The following VWA5B1 variants were observed in gnomAD, a reference collection of about 807,000 sequenced individuals.
VWA5B1 encodes von Willebrand factor A domain containing 5B1.
Under a neutral mutation model 118.2 loss-of-function variants are expected in VWA5B1, and 115 were observed. That is an observed-to-expected ratio of 0.97 (90% confidence interval 0.84 to 1.14). VWA5B1 has a LOEUF of 1.14. Among genes scored for constraint, VWA5B1 ranks in the 50% most tolerant of loss-of-function variants. The probability of loss-of-function intolerance (pLI) is 0.00; values close to 1 mark genes in which losing one functional copy is unlikely to be tolerated. For missense variants in VWA5B1, 1,596 were observed against 1,603.8 expected (o/e 1.00, Z 0.08); for synonymous variants, 682 against 658.4 (o/e 1.04, Z -0.55).
At chr1:20,304,626 G>T (rs140371013) in intron 1 of VWA5B1, among the ~76,000 whole-genome samples, 2 of 152,260 alleles carry the variant, frequency 1.3e-5, no homozygotes, top group Non-Finnish European at 2.9e-5. Context: ...AAACAGCCTG[G>T]AGGTTGAAGG....
rs1259220665 is a variant in VWA5B1, at chr1:20,319,366, G to T, written c.842-16G>T. 5.2e-6 allele frequency: 8 copies of T among 1,550,968 alleles called. No individual in the cohort carries two copies. In the East Asian group the frequency reaches 1.7e-4, roughly 33 times the overall value. On this transcript the variant is annotated splice_polypyrimidine_tract_variant and intron_variant, in intron 6 of 21. Transcript: ENST00000289815. ...GATACCTGGCCAAGTGCTGAAAGTC[G>T]ATCTCATCTCTGCAGAGCCCCATAT...
intron 1 of VWA5B1, among the ~76,000 whole-genome samples, chr1:20,301,289 T>C (rs1422495922): frequency 1.3e-5 from 2 of 152,124 alleles, no homozygotes; most frequent in East Asian, 3.8e-4. Context: ...ATGAAAGCAA[T>C]AGCCAACATT....
intron 18 of VWA5B1, among the ~76,000 whole-genome samples, chr1:20,349,772 C>T (rs552034289): frequency 2.7e-4 from 40 of 147,594 alleles, no homozygotes; most frequent in Middle Eastern, 3.5e-3. Flanking sequence ...GCCCGTAGTC[C>T]AGGGCTTTAC....
At chr1:20,327,768 CAG>C (rs1445164785) in intron 8 of VWA5B1, 120 bp from the exon 9 acceptor site, 5 of 839,206 alleles carry the variant, frequency 6.0e-6, no homozygotes, top group Non-Finnish European at 9.7e-6. Flanking sequence ...TGGGTGCAGA[CAG>C]AGGAGGGTAA....
intron 5 of VWA5B1, 108 bp downstream of exon 5, chr1:20,317,783 AC>A (rs2089067528): frequency 1.5e-6 from 2 of 1,368,338 alleles, no homozygotes; most frequent in Non-Finnish European, 1.9e-6. Context: ...CAGATGGCAG[AC>A]CTACTAAAGT....
intron 3 of VWA5B1, among the ~76,000 whole-genome samples, chr1:20,313,362 A>G (rs12139016): frequency 0.21 from 31,788 of 152,176 alleles, 3,780 homozygotes; most frequent in East Asian, 0.4. Context: ...GTTGCTCACA[A>G]ATGGTGGAGC....
At chr1:20,294,906 A>G (rs1467820151) in intron 1 of VWA5B1, among the ~76,000 whole-genome samples, 1 of 152,204 alleles carries the variant, frequency 6.6e-6, no homozygotes, top group African/African-American at 2.4e-5. Context: ...AGGTTTTACT[A>G]ATCTCTACTT....
intron 1 of VWA5B1, among the ~76,000 whole-genome samples, chr1:20,303,861 C>T (rs1342747338): frequency 1.3e-5 from 2 of 152,380 alleles, no homozygotes; most frequent in East Asian, 3.9e-4. Context: ...AATCTCTTCC[C>T]TCCTGTGCTC....
chr1:20,342,731 G>T lies in VWA5B1; in HGVS notation c.2311+122G>T, dbSNP rs552205212. ...GGTCTGTCCCCTTGTGGTCTGCTGCGGCTCACCCCTCTCTGAGGACCTCAC... is the reference window on the plus strand; with the variant it reads ...GGTCTGTCCCCTTGTGGTCTGCTGCTGCTCACCCCTCTCTGAGGACCTCAC... On this transcript the variant is annotated intron_variant, in intron 15 of 21. Coordinates refer to ENST00000289815, the MANE Select transcript of VWA5B1 (RefSeq NM_001039500.3). 3 of 1,246,430 alleles carry T rather than the reference G, an allele frequency of 2.4e-6. No homozygotes were observed. In the Admixed American group the frequency reaches 9.5e-5, roughly 39 times the overall value. 77.2% of individuals were successfully genotyped at this position (1,246,430 alleles called of 1,614,324 possible).
rs1310026147 is a variant in VWA5B1, at chr1:20,342,471, A to G, written c.2173A>G (p.Lys725Glu). The G allele has an allele frequency of 6.4e-7, 1 of 1,551,118 alleles. No individual in the cohort carries two copies. Among genetic ancestry groups the G allele is most frequent in the African/African-American group, 1.4e-5 (1 of 73,036 alleles). The stretch of plus-strand genomic sequence containing the variant: ...TGGTCAGGACCTGAACCAGGGCCCC[A>G]AACTCCGTGGCCCAGGGGCCCGAAG... ...NSGQDLNQGP[K>E]LRGPGARRPS... The change falls in exon 15 of 22, where the codon AAA (lysine) becomes GAA (glutamate). Residue 725 changes from lysine to glutamate, a missense_variant. By Grantham distance (56) the Lys-to-Glu change is moderately conservative (BLOSUM62 1). Transcript: ENST00000289815.
intron 1 of VWA5B1, among the ~76,000 whole-genome samples, chr1:20,297,465 G>A (rs1309760425): frequency 1.3e-5 from 2 of 152,226 alleles, no homozygotes; most frequent in Non-Finnish European, 2.9e-5. Context: ...GGCACATCTA[G>A]GCCTTCAAGG....
chr1:20,337,613 C>T, intron 13 of VWA5B1, 33 bp from the exon 14 acceptor site: 3 of 1,530,298 alleles, frequency 2.0e-6, no homozygotes, highest in Non-Finnish European at 2.6e-6. Flanking sequence ...TGCTGTCCCA[C>T]TCTGATGGTT....
chr1:20,346,243 G>A (rs1403007038), intron 17 of VWA5B1, among the ~76,000 whole-genome samples: 2 of 152,074 alleles, frequency 1.3e-5, no homozygotes, highest in Admixed American at 1.3e-4. Context: ...CAAAGTAGAC[G>A]CTATTATTAT....
chr1:20,291,735 A>G (rs1485392375), intron 1 of VWA5B1, among the ~76,000 whole-genome samples: 1 of 152,136 alleles, frequency 6.6e-6, no homozygotes, highest in East Asian at 1.9e-4. Context: ...CCACCGGCCA[A>G]GGGCACACCC....
In VWA5B1 at chr1:20,355,719, G is replaced by T. The variant is rs2090217081; in HGVS notation, c.*1456G>T. The stretch of plus-strand genomic sequence containing the variant: ...TGTGCAGCCTCCAGCAGGGGCTGGA[G>T]TCAGGGAGGAGGCTCCAGCAGAACG... On this transcript the variant is annotated 3_prime_UTR_variant, in exon 22 of 22. Coordinates refer to ENST00000289815, the MANE Select transcript of VWA5B1 (RefSeq NM_001039500.3). Among the ~76,000 whole-genome samples the T allele has an allele frequency of 6.6e-6, 1 of 152,256 alleles. No homozygotes were observed. The highest frequency in any genetic ancestry group is 2.4e-5 in the African/African-American group (1 of 41,478).
intron 5 of VWA5B1, chr1:20,318,285 G>A (rs975743381): frequency 4.5e-5 from 19 of 419,882 alleles, no homozygotes; most frequent in African/African-American, 1.4e-4. Context: ...CCGACGGAGC[G>A]CTGAGAGCCA....
intron 18 of VWA5B1, chr1:20,349,386 T>G (rs963435006): frequency 6.5e-6 from 1 of 153,970 alleles, no homozygotes; most frequent in African/African-American, 2.4e-5. Context: ...TTTATTTATT[T>G]ATTTATTTAT....
chr1:20,330,253 C>T lies in VWA5B1; in HGVS notation c.1328C>T (p.Pro443Leu), dbSNP rs1183460247. Residue 443 changes from proline (P) to leucine (L), a missense_variant, in exon 10 of 22, where the codon CCT becomes CTT. Transcript: ENST00000289815. ...ADMGGTNILS[P>L]LKWVIRQPVH... ...ATGGGTGGGACCAACATCCTTTCCCCTCTCAAGTGGGTCATCAGGCAGCCA... is the reference window on the plus strand; with the variant it reads ...ATGGGTGGGACCAACATCCTTTCCCTTCTCAAGTGGGTCATCAGGCAGCCA... 30 of 1,551,666 alleles carry T rather than the reference C, an allele frequency of 1.9e-5. No homozygotes were observed. Among genetic ancestry groups the T allele is most frequent in the East Asian group, 2.4e-5 (1 of 40,934 alleles).
rs558533037 is a variant in VWA5B1 at position 20,354,588 on chromosome 1, G to A, written c.*325G>A. On this transcript the variant is annotated 3_prime_UTR_variant, in exon 22 of 22. Coordinates refer to ENST00000289815, the MANE Select transcript of VWA5B1 (RefSeq NM_001039500.3). ...TTCAGGCAGTCCCGGGCTGACTGCT[G>A]CTGGGGCTGGCGAGGGAAGATGCAG... 3.6e-5 allele frequency: 12 copies of A among 332,548 alleles called. No individual in the cohort carries two copies. The highest frequency in any genetic ancestry group is 6.7e-5 in the Non-Finnish European group (12 of 180,290). 20.6% of individuals were successfully genotyped at this position (332,548 alleles called of 1,614,324 possible).
Sources: gnomAD v4.1 joint callset for allele counts (sites outside exome capture counted in the v4.1 genomes callset) on GRCh38, gnomAD v4.1.1 for gene constraint, MANE v1.5 for transcripts, NCBI Gene and HGNC (gene_info 2026-07-23, HGNC 2026-07-21) for gene names.